The following CDH13 variants were observed in gnomAD, a reference collection of about 807,000 sequenced individuals.
The protein encoded by CDH13 is cadherin 13.
A neutral mutation model predicts 63.8 loss-of-function variants in CDH13; 24 were observed. That is an observed-to-expected ratio of 0.38 (90% CI 0.27 to 0.53). The LOEUF (loss-of-function observed/expected upper bound fraction) is 0.53, where lower values mean the gene tolerates loss of function less well. Ranked by LOEUF, CDH13 falls within the 20% of genes least tolerant of loss-of-function variation. The probability of loss-of-function intolerance (pLI) is 0.85; values close to 1 mark genes in which losing one functional copy is unlikely to be tolerated. For missense variants in CDH13, 1,049 were observed against 903.1 expected (o/e 1.16, Z -2.07); for synonymous variants, 503 against 355.3 (o/e 1.42, Z -4.67).
chr16:83,042,506 G>C (rs1023042653), intron 3 of CDH13, among the ~76,000 whole-genome samples: 1 of 152,008 alleles, frequency 6.6e-6, no homozygotes, highest in Non-Finnish European at 1.5e-5. Context: ...TCTACATTAT[G>C]GTGCGTTGTA....
chr16:83,268,658 T>C (rs1283569795), intron 5 of CDH13, among the ~76,000 whole-genome samples: 1 of 152,232 alleles, frequency 6.6e-6, no homozygotes, highest in Non-Finnish European at 1.5e-5. Flanking sequence ...CATCCTGGTC[T>C]CAATAGTTTT....
At chr16:82,642,555 C>G (rs1351152672) in intron 1 of CDH13, among the ~76,000 whole-genome samples, 1 of 152,136 alleles carries the variant, frequency 6.6e-6, no homozygotes, top group African/African-American at 2.4e-5. Flanking sequence ...TGAGACTTGA[C>G]TATATTCATT....
intron 7 of CDH13, among the ~76,000 whole-genome samples, chr16:83,538,370 A>T (rs1348542866): frequency 6.6e-6 from 1 of 152,208 alleles, no homozygotes; most frequent in African/African-American, 2.4e-5. Flanking sequence ...TAGATGATCA[A>T]TCAGAATCTT....
intron 1 of CDH13, among the ~76,000 whole-genome samples, chr16:82,762,237 C>T (rs923940286): frequency 6.6e-6 from 1 of 152,188 alleles, no homozygotes; most frequent in East Asian, 1.9e-4. Context: ...CTAAGATTCT[C>T]TTTCTGCTCC....
intron 11 of CDH13, among the ~76,000 whole-genome samples, chr16:83,766,860 G>A (rs1914424013): frequency 2.0e-5 from 3 of 152,044 alleles, no homozygotes; most frequent in Non-Finnish European, 4.4e-5. Context: ...AGTCTCACAA[G>A]AACTGACTGT....
At chr16:82,774,194 T>C (rs1032485213) in intron 1 of CDH13, among the ~76,000 whole-genome samples, 6 of 152,142 alleles carry the variant, frequency 3.9e-5, no homozygotes, top group Non-Finnish European at 8.8e-5. Flanking sequence ...TGGTTAAGAA[T>C]ATAGGCTCTT....
chr16:82,838,547 G>A (rs34494449), intron 1 of CDH13, among the ~76,000 whole-genome samples: 2 of 152,058 alleles, frequency 1.3e-5, no homozygotes, highest in Non-Finnish European at 2.9e-5. Context: ...CAAAGTAATA[G>A]TAATATCATG....
In CDH13 at chr16:82,926,808, A is replaced by T. The variant is rs13335339; in HGVS notation, c.157+68335A>T. Among the ~76,000 whole-genome samples, 684 of 152,308 alleles carry T rather than the reference A, an allele frequency of 4.5e-3. 4 individuals carry two copies. Among genetic ancestry groups the T allele is most frequent in the African/African-American group, 0.016 (659 of 41,572 alleles). On this transcript the variant is annotated intron_variant, in intron 2 of 13. Coordinates refer to ENST00000567109, the MANE Select transcript of CDH13 (RefSeq NM_001257.5). Reference sequence around the variant, plus strand: ...TCAGCCATGTTCATCCAGGGGTATCATTGGTCCATTAGTGATGAAGATGTT... The same window carrying T: ...TCAGCCATGTTCATCCAGGGGTATCTTTGGTCCATTAGTGATGAAGATGTT...
intron 1 of CDH13, among the ~76,000 whole-genome samples, chr16:82,791,445 G>A (rs895467941): frequency 1.3e-5 from 2 of 152,140 alleles, no homozygotes; most frequent in African/African-American, 4.8e-5. Context: ...ACAATGATCG[G>A]GATATAAACC....
At chr16:83,018,297 A>G (rs1915007398) in intron 2 of CDH13, among the ~76,000 whole-genome samples, 1 of 152,198 alleles carries the variant, frequency 6.6e-6, no homozygotes, top group Non-Finnish European at 1.5e-5. Flanking sequence ...TCTAGACGCT[A>G]AGTATCATGA....
intron 7 of CDH13, among the ~76,000 whole-genome samples, chr16:83,498,299 G>T (rs1890566711): frequency 6.6e-6 from 1 of 152,180 alleles, no homozygotes; most frequent in Non-Finnish European, 1.5e-5. Context: ...AGGAGAATCA[G>T]AGGACCTGGG....
intron 2 of CDH13, among the ~76,000 whole-genome samples, chr16:82,879,622 TATAAA>T (rs1043285613): frequency 1.6e-4 from 23 of 140,688 alleles, no homozygotes; most frequent in Non-Finnish European, 2.6e-4. Flanking sequence ...TTATACATAA[TATAAA>T]ATATCTATTA....
chr16:83,490,553 C>G (rs2073991298), intron 7 of CDH13, among the ~76,000 whole-genome samples: 1 of 152,214 alleles, frequency 6.6e-6, no homozygotes, highest in Admixed American at 6.5e-5. Context: ...TTGGCAGCCA[C>G]TATTCTTGAA....
intron 10 of CDH13, among the ~76,000 whole-genome samples, chr16:83,685,061 C>T (rs1173942390): frequency 6.6e-6 from 1 of 152,148 alleles, no homozygotes; most frequent in Non-Finnish European, 1.5e-5. Flanking sequence ...ATCTGCATTC[C>T]AGACAGCAGG....
chr16:82,739,064 A>T (rs1376813324), intron 1 of CDH13, among the ~76,000 whole-genome samples: 6 of 152,014 alleles, frequency 3.9e-5, no homozygotes, highest in Non-Finnish European at 8.8e-5. Flanking sequence ...GCTCTTCCCC[A>T]CCCCTGGGAA....
chr16:82,645,091 G>C (rs1180261254), intron 1 of CDH13, among the ~76,000 whole-genome samples: 3 of 152,122 alleles, frequency 2.0e-5, no homozygotes, highest in East Asian at 3.9e-4. Flanking sequence ...GTACACAGTG[G>C]GTCTCGGGCA....
intron 11 of CDH13, among the ~76,000 whole-genome samples, chr16:83,766,904 C>A (rs567188069): frequency 2.6e-5 from 4 of 152,264 alleles, no homozygotes; most frequent in African/African-American, 9.6e-5. Flanking sequence ...TGCTTGCACT[C>A]ACTCTGTGCT....
chr16:83,037,553 G>A (rs1916973511), intron 3 of CDH13, among the ~76,000 whole-genome samples: 1 of 152,182 alleles, frequency 6.6e-6, no homozygotes, highest in Admixed American at 6.5e-5. Flanking sequence ...GTCTAGCCTG[G>A]AGGATGGAGA....
At chr16:83,184,429 G>C (rs1043037367) in intron 4 of CDH13, among the ~76,000 whole-genome samples, 1 of 152,134 alleles carries the variant, frequency 6.6e-6, no homozygotes, top group Non-Finnish European at 1.5e-5. Context: ...CCAGAGAAGA[G>C]ATATTTCACA....
Sources: gnomAD v4.1 joint callset for allele counts (sites outside exome capture counted in the v4.1 genomes callset) on GRCh38, gnomAD v4.1.1 for gene constraint, MANE v1.5 for transcripts, NCBI Gene and HGNC (gene_info 2026-07-23, HGNC 2026-07-21) for gene names.